SHISAL2B: variants seen among roughly 807,000 people sequenced by gnomAD.
SHISAL2B encodes the protein protein shisa-like-2B.
Under a neutral mutation model 16.5 loss-of-function variants are expected in SHISAL2B, and 12 were observed. That is an observed-to-expected ratio of 0.73 (90% CI 0.47 to 1.18). SHISAL2B has a LOEUF of 1.18. Among genes scored for constraint, SHISAL2B ranks in the 50% most tolerant of loss-of-function variants. SHISAL2B has a pLI of 0.00. For missense variants in SHISAL2B, 183 were observed against 193.6 expected, an observed-to-expected ratio of 0.95 and a Z score of 0.33; for synonymous variants, 72 against 75.0, an observed-to-expected ratio of 0.96 and a Z score of 0.21.
chr5:64,691,967 A>G (rs1388657794), intron 1 of SHISAL2B, among the ~76,000 whole-genome samples: 1 of 152,242 alleles, frequency 6.6e-6, no homozygotes, highest in African/African-American at 2.4e-5. Flanking sequence ...TCTTGAAGCA[A>G]TAAAATATTA....
chr5:64,700,417 T>C (rs1741793027), intron 2 of SHISAL2B, among the ~76,000 whole-genome samples: 1 of 152,134 alleles, frequency 6.6e-6, no homozygotes. Flanking sequence ...TATTTATTTG[T>C]TTATTTATTT....
intron 2 of SHISAL2B, among the ~76,000 whole-genome samples, chr5:64,699,739 G>A (rs1408662620): frequency 6.6e-6 from 1 of 152,166 alleles, no homozygotes; most frequent in Non-Finnish European, 1.5e-5. Context: ...ATACTAAATT[G>A]ACTTAGGACA....
At chr5:64,717,850 CA>C in intron 2 of SHISAL2B, 38 bp from the exon 3 acceptor site, 1 of 1,475,660 alleles carries the variant, frequency 6.8e-7, no homozygotes. Context: ...GAAACGATGT[CA>C]TAATTTCAAA....
At chr5:64,706,958 T>C (rs963870959) in intron 2 of SHISAL2B, among the ~76,000 whole-genome samples, 2 of 152,124 alleles carry the variant, frequency 1.3e-5, no homozygotes, top group Non-Finnish European at 2.9e-5. Flanking sequence ...GGAAAAACTT[T>C]ATAATTCAGT....
chr5:64,696,508 T>C (rs1231173685), intron 2 of SHISAL2B, among the ~76,000 whole-genome samples: 4 of 152,178 alleles, frequency 2.6e-5, no homozygotes, highest in Non-Finnish European at 5.9e-5. Flanking sequence ...GACCTGCAAG[T>C]AGGGAAGATC....
intron 2 of SHISAL2B, among the ~76,000 whole-genome samples, chr5:64,698,255 C>T (rs943793804): frequency 2.3e-4 from 35 of 152,188 alleles, no homozygotes; most frequent in Non-Finnish European, 5.9e-5. Context: ...CCTTGTTCCC[C>T]TGCTGTCTGC....
chr5:64,703,245 A>C (rs958880722), intron 2 of SHISAL2B, among the ~76,000 whole-genome samples: 1 of 152,226 alleles, frequency 6.6e-6, no homozygotes, highest in Admixed American at 6.5e-5. Flanking sequence ...CAAATTATTT[A>C]TTAATAGTAA....
intron 2 of SHISAL2B, among the ~76,000 whole-genome samples, chr5:64,698,847 G>GTGTGA: frequency 6.6e-6 from 1 of 152,318 alleles, no homozygotes; most frequent in East Asian, 1.9e-4. Flanking sequence ...CACTGCATGT[G>GTGTGA]TGTGATCAAA....
intron 2 of SHISAL2B, among the ~76,000 whole-genome samples, chr5:64,703,691 C>T (rs1741841154): frequency 6.6e-6 from 1 of 151,976 alleles, no homozygotes. Flanking sequence ...TTTAACAATA[C>T]AGAAAAGAAA....
intron 1 of SHISAL2B, among the ~76,000 whole-genome samples, chr5:64,693,460 A>T (rs1741683940): frequency 6.6e-6 from 1 of 152,188 alleles, no homozygotes; most frequent in African/African-American, 2.4e-5. Context: ...TGTAGATTGA[A>T]AGCCCACACT....
Position 64,693,250 on chromosome 5 carries a change from G to T in SHISAL2B, c.192-2257G>T, listed in dbSNP as rs182274911. ...TCTCAATCTCCTGACCTCGTGATTC[G>T]CCCGCCTCAGCCTCCCAAAGTGCTA... On this transcript the variant is annotated intron_variant, in intron 1 of 2. Transcript: ENST00000389074. Among the ~76,000 whole-genome samples the T allele has an allele frequency of 6.0e-3, 918 of 151,914 alleles. 13 individuals are homozygous for T. The highest frequency in any genetic ancestry group is 0.021 in the African/African-American group (865 of 41,456).
At chr5:64,700,478 T>A (rs980675198) in intron 2 of SHISAL2B, among the ~76,000 whole-genome samples, 4 of 152,178 alleles carry the variant, frequency 2.6e-5, no homozygotes, top group Non-Finnish European at 1.5e-5. Context: ...TGGCGCAATC[T>A]TGGCTCACTG....
chr5:64,716,872 A>T (rs1410457561), intron 2 of SHISAL2B, among the ~76,000 whole-genome samples: 1 of 152,222 alleles, frequency 6.6e-6, no homozygotes, highest in African/African-American at 2.4e-5. Flanking sequence ...GGCATGATTC[A>T]ACTTATTTTT....
chr5:64,695,849 G>C (rs1439118265), intron 2 of SHISAL2B, among the ~76,000 whole-genome samples, 185 bp downstream of exon 2: 1 of 152,130 alleles, frequency 6.6e-6, no homozygotes, highest in Non-Finnish European at 1.5e-5. Context: ...TTGTGCTGAA[G>C]GAAAAATAGC....
chr5:64,702,702 G>GCA (rs1261122645), intron 2 of SHISAL2B, among the ~76,000 whole-genome samples: 1 of 151,840 alleles, frequency 6.6e-6, no homozygotes, highest in East Asian at 1.9e-4. Context: ...TTCTTCTAAT[G>GCA]CATTTTTCTT....
chr5:64,694,626 T>G (rs1234763515), intron 1 of SHISAL2B, among the ~76,000 whole-genome samples: 3 of 152,224 alleles, frequency 2.0e-5, no homozygotes, highest in Non-Finnish European at 4.4e-5. Context: ...TCTTCCTTAA[T>G]GCTAGAAGCC....
chr5:64,715,936 C>T (rs1018879858), intron 2 of SHISAL2B, among the ~76,000 whole-genome samples: 9 of 152,104 alleles, frequency 5.9e-5, no homozygotes, highest in African/African-American at 1.9e-4. Context: ...TAGATCTCAT[C>T]GTTGATGGTT....
chr5:64,714,811 TGTCC>T (rs1561378603), intron 2 of SHISAL2B, among the ~76,000 whole-genome samples: 1 of 152,174 alleles, frequency 6.6e-6, no homozygotes, highest in Non-Finnish European at 1.5e-5. Flanking sequence ...TTTCCAGGTG[TGTCC>T]GTCACCCCTT....
chr5:64,690,508 C>A lies in SHISAL2B; in HGVS notation c.-116C>A. ...GGCTGAGCGCCCAGGCAGCCAGAGC[C>A]CAGATCGGAAGAGCCGAGTCCGGGC... On this transcript the variant is annotated 5_prime_UTR_variant, in exon 1 of 3. Coordinates refer to ENST00000389074, the MANE Select transcript of SHISAL2B (RefSeq NM_001164442.2). The A allele has an allele frequency of 1.3e-6, 1 of 792,260 alleles. No homozygotes were observed. The highest frequency in any genetic ancestry group is 1.8e-6 in the Non-Finnish European group (1 of 559,506). The allele number at this position is 792,260 out of a possible 1,614,324, so 49.1% of individuals were successfully genotyped here.
Sources: gnomAD v4.1 joint callset for allele counts (sites outside exome capture counted in the v4.1 genomes callset) on GRCh38, gnomAD v4.1.1 for gene constraint, MANE v1.5 for transcripts, NCBI Gene and HGNC (gene_info 2026-07-23, HGNC 2026-07-21) for gene names.